Variants in UNC13A observed in about 807,000 individuals in gnomAD.
UNC13A encodes protein unc-13 homolog A.
In UNC13A, 61 loss-of-function variants were observed where a neutral mutation model predicts 219.7. The observed-to-expected ratio is 0.28, with a 90% CI of 0.23 to 0.34. UNC13A has a LOEUF of 0.34. Ranked by LOEUF, UNC13A falls within the 10% of genes least tolerant of loss-of-function variation. The pLI, the probability that UNC13A is intolerant of heterozygous loss-of-function variation, is 1.00. For synonymous variants in UNC13A, 920 were observed against 884.6 expected (o/e 1.04, Z -0.71); for missense variants, 1,476 against 2,270.3 (o/e 0.65, Z 7.11).
At chr19:17,686,730 C>T (rs894889286) in intron 1 of UNC13A, among the ~76,000 whole-genome samples, 2 of 151,954 alleles carry the variant, frequency 1.3e-5, no homozygotes, top group African/African-American at 4.8e-5. Context: ...CCCGCGTCCA[C>T]GCCGGCCCAG....
At chr19:17,640,329 G>C (rs1433357325) in intron 22 of UNC13A, among the ~76,000 whole-genome samples, 182 bp downstream of exon 22, 1 of 152,136 alleles carries the variant, frequency 6.6e-6, no homozygotes, top group Non-Finnish European at 1.5e-5. Context: ...ATGAGCCACT[G>C]CGCCCGACCT....
rs201739401 is a variant in UNC13A at position 17,656,274 on chromosome 19, G to A, written c.892C>T (p.Arg298Trp). ...CTGTGGCAGGAGTGGTAGGAGTCCCGGTCCCGCTCATCCTCCATGTCGGAG... is the reference window on the plus strand; with the variant it reads ...CTGTGGCAGGAGTGGTAGGAGTCCCAGTCCCGCTCATCCTCCATGTCGGAG... ...QGSDMEDERDRDSYHSCHSSV... is the reference protein window; with the variant it reads ...QGSDMEDERDWDSYHSCHSSV... The change falls in exon 10 of 44, where the codon CGG becomes TGG. Residue 298 changes from arginine to tryptophan, a missense_variant. This residue lies in a region of UNC13A where 351 missense variants were observed against 342.6 expected (regional missense o/e 1.02). Coordinates refer to ENST00000519716, the MANE Select transcript of UNC13A (RefSeq NM_001080421.3). 390 of 1,551,788 alleles carry A rather than the reference G, an allele frequency of 2.5e-4. 1 individual carries two copies. Among genetic ancestry groups the A allele is most frequent in the Non-Finnish European group, 2.9e-4 (330 of 1,147,228 alleles).
intron 1 of UNC13A, among the ~76,000 whole-genome samples, chr19:17,677,513 G>A (rs7251740): frequency 0.5 from 75,444 of 151,736 alleles, 20,581 homozygotes; most frequent in African/African-American, 0.7. Flanking sequence ...ACAGGCGTGC[G>A]CCACCATGCC....
At position 17,627,798 on chromosome 19, in the gene UNC13A, C is replaced by T. The variant is rs2076799277; in HGVS notation, c.3831+65G>A. The stretch of plus-strand genomic sequence containing the variant: ...GCCTGGTGGCATATGAGCTCAGGGG[C>T]CTGCAGGGACACAGTGGTGGGGGTG... On this transcript the variant is annotated intron_variant, in intron 32 of 43. Transcript: ENST00000519716. The surrounding 1 kb of genome is among the most constrained non-coding windows in gnomAD (Gnocchi z 4.7). 1.3e-6 allele frequency: 2 copies of T among 1,511,306 alleles called. No individual in the cohort carries two copies. The highest frequency in any genetic ancestry group is 1.2e-5 in the South Asian group (1 of 86,432). 93.6% of individuals were successfully genotyped at this position (1,511,306 alleles called of 1,614,324 possible). A position where few individuals can be genotyped will look rare whatever the true frequency, so the allele number is the denominator to read the frequency against.
chr19:17,660,911 T>G (rs2079539771), intron 8 of UNC13A, among the ~76,000 whole-genome samples: 1 of 151,936 alleles, frequency 6.6e-6, no homozygotes, highest in African/African-American at 2.4e-5. Flanking sequence ...GCATTCATTT[T>G]GGCAAAATTG....
At chr19:17,630,520 A>C (rs746127439) in intron 29 of UNC13A, 134 bp downstream of exon 29, 33 of 1,194,536 alleles carry the variant, frequency 2.8e-5, no homozygotes, top group Non-Finnish European at 3.8e-5. Context: ...AATGAACAAA[A>C]GATTTTAAAA....
At position 17,640,580 on chromosome 19, in the gene UNC13A, G is replaced by T; in HGVS notation, c.2718C>A (p.Ala906=). The change falls in exon 22 of 44, where the codon GCC becomes GCA. Residue 906 remains alanine, a synonymous_variant. Transcript: ENST00000519716. The part of the protein sequence containing the change: ...VMSTLLANIN[A]YYAHTTASTN... Reference sequence around the variant, plus strand: ...TGGAGGCGGTGGTGTGTGCGTAGTAGGCATTGATGTTGGCGAGCAGGGTGC... The same window carrying T: ...TGGAGGCGGTGGTGTGTGCGTAGTATGCATTGATGTTGGCGAGCAGGGTGC... The T allele has an allele frequency of 6.4e-7, 1 of 1,572,150 alleles. No homozygotes were observed. The highest frequency in any genetic ancestry group is 8.6e-7 in the Non-Finnish European group (1 of 1,159,332).
At chr19:17,679,346 G>A (rs897354779) in intron 1 of UNC13A, among the ~76,000 whole-genome samples, 20 of 151,994 alleles carry the variant, frequency 1.3e-4, no homozygotes, top group Non-Finnish European at 2.8e-4. Context: ...GTTGCAGTGA[G>A]CCAAGATCAC....
Position 17,681,739 on chromosome 19 carries a change from C to G in UNC13A, c.23-5698G>C, listed in dbSNP as rs572851550. 3.9e-5 allele frequency among the ~76,000 whole-genome samples: 6 copies of G among 152,146 alleles called. No individual in the cohort carries two copies. In the South Asian group the frequency reaches 1.2e-3, roughly 31 times the overall value. On this transcript the variant is annotated intron_variant, in intron 1 of 43. Transcript: ENST00000519716. Reference sequence around the variant, plus strand: ...GGAGGCTGAGCTAAGAGCTGTCCCCCAGAGGCGCGGGCAGGCGCTGTCCAC... The same window carrying G: ...GGAGGCTGAGCTAAGAGCTGTCCCCGAGAGGCGCGGGCAGGCGCTGTCCAC...
intron 41 of UNC13A, chr19:17,616,314 G>A (rs1298854053): frequency 1.6e-6 from 1 of 642,102 alleles, no homozygotes; most frequent in African/African-American, 1.8e-5. Context: ...AGGCCCTTGA[G>A]GCAGAAGGAC....
chr19:17,652,747 A>T, intron 11 of UNC13A, 70 bp from the exon 12 acceptor site: 1 of 1,565,190 alleles, frequency 6.4e-7, no homozygotes, highest in Non-Finnish European at 8.8e-7. Context: ...CTCCACACCC[A>T]CTTCTGACTC....
chr19:17,652,675 G>A lies in UNC13A; in HGVS notation c.1395C>T (p.Ala465=). ...FNKVRMQLQE[A]RGEGEMSKSL... Reference sequence around the variant, plus strand: ...ATTTAGACATCTCTCCTTCTCCCCGGGCCTGCAGGACAGACAGACAGATAT... The same window carrying A: ...ATTTAGACATCTCTCCTTCTCCCCGAGCCTGCAGGACAGACAGACAGATAT... The change falls in exon 12 of 44, where the codon GCC becomes GCT. Residue 465 remains alanine, a splice_region_variant and synonymous_variant. Coordinates refer to ENST00000519716, the MANE Select transcript of UNC13A (RefSeq NM_001080421.3). The A allele has an allele frequency of 6.2e-7, 1 of 1,613,596 alleles. No homozygotes were observed.
At chr19:17,641,680 T>A in intron 20 of UNC13A, 124 bp from the exon 21 acceptor site, 1 of 1,013,526 alleles carries the variant, frequency 9.9e-7, no homozygotes. Flanking sequence ...ATTCATCTAC[T>A]CTTTTATCCA....
intron 9 of UNC13A, 141 bp from the exon 10 acceptor site, chr19:17,656,539 A>T (rs1179787657): frequency 9.4e-6 from 9 of 960,884 alleles, no homozygotes; most frequent in Non-Finnish European, 1.2e-5. Context: ...AAACACAGCC[A>T]TGATCAGAAA....
At position 17,606,050 on chromosome 19, in the gene UNC13A, CGCGCTAAGGCGCAG is replaced by C. The variant is rs2076522429; in HGVS notation, c.5102_*3del. ...GCGCAGTGCCGCTCGGCCGACCGCC[CGCGCTAAGGCGCAG>C]GCGCGGCACCGCCCTCCTCGGCGGA... is the stretch of plus-strand genomic sequence containing the variant. On this transcript the variant is annotated stop_lost and 3_prime_UTR_variant, in exon 44 of 44. Transcript: ENST00000519716. 6.6e-7 allele frequency: 1 copy of C among 1,522,420 alleles called. No individual in the cohort carries two copies. The highest frequency in any genetic ancestry group is 8.8e-7 in the Non-Finnish European group (1 of 1,142,318). 94.3% of individuals were successfully genotyped at this position (1,522,420 alleles called of 1,614,324 possible).
intron 43 of UNC13A, among the ~76,000 whole-genome samples, chr19:17,608,958 A>AC (rs1351496123): frequency 6.6e-5 from 9 of 136,000 alleles, no homozygotes; most frequent in Admixed American, 5.8e-4. Flanking sequence ...GCCAGAGCAG[A>AC]CTTTTTTTTT....
chr19:17,666,000 C>CTCCT (rs1568267421), intron 7 of UNC13A, among the ~76,000 whole-genome samples: 1 of 37,014 alleles, frequency 2.7e-5, no homozygotes, highest in Non-Finnish European at 6.8e-5. Context: ...TCTCAGAACT[C>CTCCT]TCCTTCCTTC....
chr19:17,631,460 C>T (rs1236810637), intron 28 of UNC13A, among the ~76,000 whole-genome samples: 1 of 151,730 alleles, frequency 6.6e-6, no homozygotes, highest in Non-Finnish European at 1.5e-5. Flanking sequence ...CTCCTGGCCT[C>T]AAGTGATCCT....
At chr19:17,639,616 T>C in intron 23 of UNC13A, 91 bp from the exon 24 acceptor site, 1 of 1,411,510 alleles carries the variant, frequency 7.1e-7, no homozygotes, top group South Asian at 1.3e-5. Context: ...GGCTCCCCGG[T>C]TTCAGGCTGG....
Sources: gnomAD v4.1 joint callset for allele counts (sites outside exome capture counted in the v4.1 genomes callset) on GRCh38, gnomAD v4.1.1 for gene constraint, gnomAD v4.1.1 regional missense constraint, Gnocchi (gnomAD v3.1) non-coding constraint, MANE v1.5 for transcripts, NCBI Gene and HGNC (gene_info 2026-07-23, HGNC 2026-07-21) for gene names.